CPEB2: variants seen among roughly 807,000 people sequenced by gnomAD.
CPEB2 encodes cytoplasmic polyadenylation element binding protein 2.
CPEB2 carries 56 observed loss-of-function variants against 93.6 expected under a neutral mutation model. The observed-to-expected ratio is 0.60, with a 90% CI of 0.48 to 0.75. CPEB2 has a LOEUF of 0.75. Ranked by LOEUF, CPEB2 falls within the 30% of genes least tolerant of loss-of-function variation. CPEB2 has a pLI of 0.00. For synonymous variants in CPEB2, 764 were observed against 586.3 expected (o/e 1.30, Z -4.38); for missense variants, 1,579 against 1,395.1 (o/e 1.13, Z -2.10).
chr4:15,045,795 C>A (rs975311015), intron 6 of CPEB2, among the ~76,000 whole-genome samples: 2 of 151,992 alleles, frequency 1.3e-5, no homozygotes, highest in African/African-American at 4.8e-5. Context: ...TTAGGAATAA[C>A]CATATCAGCT....
intron 3 of CPEB2, among the ~76,000 whole-genome samples, chr4:15,016,900 G>A (rs1009247752): frequency 2.0e-5 from 3 of 151,892 alleles, no homozygotes; most frequent in Admixed American, 2.0e-4. Context: ...ACTTTATAGA[G>A]AAAAGTAACT....
chr4:15,009,031 A>G (rs1332407930), intron 3 of CPEB2, among the ~76,000 whole-genome samples: 1 of 152,196 alleles, frequency 6.6e-6, no homozygotes, highest in African/African-American at 2.4e-5. Context: ...AATTACATTT[A>G]CACCTTTGGT....
rs140565531 is a variant in CPEB2 at position 15,038,642 on chromosome 4, G to A, written c.2177-1822G>A. ...CTCGTTCTGTCTCCCAGGCTGGATTGCAGTGGCGCTATCTCATCTACCTGC... is the reference window on the plus strand; with the variant it reads ...CTCGTTCTGTCTCCCAGGCTGGATTACAGTGGCGCTATCTCATCTACCTGC... On this transcript the variant is annotated intron_variant, in intron 5 of 11. Transcript: ENST00000538197. Among the ~76,000 whole-genome samples, 1,229 of 145,386 alleles carry A rather than the reference G, an allele frequency of 8.5e-3. 11 individuals are homozygous for A. Among genetic ancestry groups the A allele is most frequent in the Non-Finnish European group, 0.011 (722 of 67,034 alleles).
In CPEB2 at chr4:15,003,878, CGCA is replaced by C. The variant is rs1351283568; in HGVS notation, c.1214_1216del (p.Gln405del). On this transcript the variant is annotated inframe_deletion, in exon 1 of 12. Coordinates refer to ENST00000538197, the MANE Select transcript of CPEB2 (RefSeq NM_001177382.2). The stretch of plus-strand genomic sequence containing the variant: ...CCCCAGCAGCCGCCGCCGACCCAGC[CGCA>C]GCAGCAGCCGCCGCCACCCCAGCAG... The C allele has an allele frequency of 3.5e-6, 3 of 861,608 alleles. No homozygotes were observed. The highest frequency in any genetic ancestry group is 3.7e-5 in the Admixed American group (1 of 27,288). The allele number at this position is 861,608 out of a possible 1,614,324, so 53.4% of individuals were successfully genotyped here. A position where few individuals can be genotyped will look rare whatever the true frequency, so the allele number is the denominator to read the frequency against.
intron 3 of CPEB2, among the ~76,000 whole-genome samples, chr4:15,013,649 A>G (rs1723766178): frequency 1.3e-5 from 2 of 152,018 alleles, no homozygotes; most frequent in South Asian, 2.1e-4. Context: ...AATTTATTTA[A>G]TGGAATTATC....
intron 6 of CPEB2, among the ~76,000 whole-genome samples, chr4:15,047,660 A>G (rs750419557): frequency 6.6e-6 from 1 of 152,072 alleles, no homozygotes; most frequent in East Asian, 1.9e-4. Context: ...TTTTACATGT[A>G]CAATTATGTC....
chr4:15,038,528 G>A (rs1196294178), intron 5 of CPEB2, among the ~76,000 whole-genome samples: 3 of 151,854 alleles, frequency 2.0e-5, no homozygotes, highest in African/African-American at 7.2e-5. Context: ...GAAGTGTTTT[G>A]GGGACTGTTG....
intron 1 of CPEB2, 131 bp downstream of exon 1, chr4:15,004,466 G>C: frequency 1.6e-6 from 1 of 628,158 alleles, no homozygotes. Context: ...ACTCGCCCAA[G>C]TGAGAGTGGA....
At chr4:15,025,627 T>G (rs1170222957) in intron 4 of CPEB2, among the ~76,000 whole-genome samples, 1 of 151,832 alleles carries the variant, frequency 6.6e-6, no homozygotes, top group African/African-American at 2.4e-5. Flanking sequence ...GCCTAGCTGC[T>G]AGACTTCTTA....
chr4:15,020,420 T>A (rs115623659), intron 4 of CPEB2, among the ~76,000 whole-genome samples: 2,164 of 152,158 alleles, frequency 0.014, 25 homozygotes, highest in Non-Finnish European at 0.02. Flanking sequence ...AGCAGATAGA[T>A]CTCTAGAATG....
At chr4:15,058,904 CTGA>C (rs1728948743) in intron 9 of CPEB2, among the ~76,000 whole-genome samples, 1 of 152,256 alleles carries the variant, frequency 6.6e-6, no homozygotes, top group South Asian at 2.1e-4. Context: ...AATCTAATGC[CTGA>C]TGATCTGAGG....
chr4:15,048,386 C>G (rs1727914420), intron 6 of CPEB2, among the ~76,000 whole-genome samples: 1 of 151,692 alleles, frequency 6.6e-6, no homozygotes, highest in Non-Finnish European at 1.5e-5. Flanking sequence ...TAAGTTATGA[C>G]TTTCATTTTT....
In CPEB2 at chr4:15,002,856, C is replaced by G. The variant is rs906269284; in HGVS notation, c.183C>G (p.Ala61=). 1 of 1,534,690 alleles carries G rather than the reference C, an allele frequency of 6.5e-7. No individual in the cohort carries two copies. The highest frequency in any genetic ancestry group is 2.0e-5 in the Admixed American group (1 of 50,942). The change falls in exon 1 of 12, where the codon GCC becomes GCG. Residue 61 remains alanine, a synonymous_variant. Transcript: ENST00000538197. ...PPLPVTGFLE[A]ASPFSVPLGG... is the part of the protein sequence containing the mutation. ...TGCCTGTCACCGGCTTCTTAGAGGC[C>G]GCCTCCCCCTTCTCCGTCCCCCTCG... is the stretch of plus-strand genomic sequence containing the variant.
At chr4:15,014,425 A>G (rs1368654872) in intron 3 of CPEB2, among the ~76,000 whole-genome samples, 2 of 152,026 alleles carry the variant, frequency 1.3e-5, no homozygotes, top group Non-Finnish European at 2.9e-5. Flanking sequence ...AACTTTTATC[A>G]TTACAGCTTA....
intron 3 of CPEB2, among the ~76,000 whole-genome samples, chr4:15,013,228 G>A (rs978391208): frequency 5.3e-5 from 8 of 151,948 alleles, no homozygotes; most frequent in African/African-American, 1.9e-4. Context: ...TTCCAACAAT[G>A]TTTTCTAATC....
At chr4:15,033,387 T>C (rs1427148588) in intron 5 of CPEB2, among the ~76,000 whole-genome samples, 176 bp downstream of exon 5, 1 of 152,200 alleles carries the variant, frequency 6.6e-6, no homozygotes, top group Non-Finnish European at 1.5e-5. Context: ...TTCGGGCTGG[T>C]AAAGCAGCCA....
At chr4:15,049,485 T>A (rs985486287) in intron 6 of CPEB2, among the ~76,000 whole-genome samples, 4 of 152,156 alleles carry the variant, frequency 2.6e-5, no homozygotes, top group African/African-American at 7.2e-5. Flanking sequence ...ATGCTGTTTA[T>A]CTTATTCCTT....
chr4:15,047,914 G>T (rs1423682716), intron 6 of CPEB2, among the ~76,000 whole-genome samples: 3 of 139,826 alleles, frequency 2.1e-5, no homozygotes, highest in African/African-American at 5.2e-5. Context: ...GGGAGTTGTG[G>T]TTTTTTTTTT....
Position 15,003,059 on chromosome 4 carries a change from C to G in CPEB2, c.386C>G (p.Ala129Gly), listed in dbSNP as rs1302445053. 6.6e-7 allele frequency: 1 copy of G among 1,520,428 alleles called. No homozygotes were observed. Among genetic ancestry groups the G allele is most frequent in the East Asian group, 2.5e-5 (1 of 40,634 alleles). 94.2% of individuals were successfully genotyped at this position (1,520,428 alleles called of 1,614,324 possible). A position where few individuals can be genotyped will look rare whatever the true frequency, so the allele number is the denominator to read the frequency against. Residue 129 changes from alanine (A) to glycine (G), a missense_variant, in exon 1 of 12, where the codon GCG (alanine) becomes GGG (glycine). Ala to Gly is a moderately conservative substitution (Grantham distance 60). Transcript: ENST00000538197. ...CACCACCCCGGCGGCGGCACGATCG[C>G]GGGTGTGACCCACCTCCTCCCCTCC... The part of the protein sequence containing the change: ...PDHHPGGGTI[A>G]GVTHLLPSQD...
Sources: gnomAD v4.1 joint callset for allele counts (sites outside exome capture counted in the v4.1 genomes callset) on GRCh38, gnomAD v4.1.1 for gene constraint, MANE v1.5 for transcripts, NCBI Gene and HGNC (gene_info 2026-07-23, HGNC 2026-07-21) for gene names.